Variants in UPK3A observed in about 807,000 individuals in gnomAD.
UPK3A encodes uroplakin 3A.
UPK3A carries 32 observed loss-of-function variants against 27.6 expected under a neutral mutation model. The observed-to-expected ratio is 1.16, with a 90% CI of 0.87 to 1.55. The LOEUF is 1.55. Among genes scored for constraint, UPK3A ranks in the 40% most tolerant of loss-of-function variants. UPK3A has a pLI of 0.00. For synonymous variants in UPK3A, 171 were observed against 163.9 expected, an observed-to-expected ratio of 1.04 and a Z score of -0.33; for missense variants, 370 against 367.9, an observed-to-expected ratio of 1.01 and a Z score of -0.05.
Position 45,293,453 on chromosome 22 carries a change from G to A in UPK3A, c.704+140G>A, listed in dbSNP as rs925263632. ...AGCTACCCTCTGCCCCGCGGGTGGGGTCTGGTGAAGAGGGAGCAGAGTCCT... is the reference window on the plus strand; with the variant it reads ...AGCTACCCTCTGCCCCGCGGGTGGGATCTGGTGAAGAGGGAGCAGAGTCCT... On this transcript the variant is annotated intron_variant, in intron 5 of 5. Coordinates refer to ENST00000216211, the MANE Select transcript of UPK3A (RefSeq NM_006953.4). 37 of 1,114,948 alleles carry A rather than the reference G, an allele frequency of 3.3e-5. No individual in the cohort carries two copies. The South Asian group carries it at 4.6e-4, about 14-fold the overall frequency. 69.1% of individuals were successfully genotyped at this position (1,114,948 alleles called of 1,614,324 possible).
intron 2 of UPK3A, among the ~76,000 whole-genome samples, chr22:45,286,324 T>C (rs923586079): frequency 6.6e-6 from 1 of 152,140 alleles, no homozygotes; most frequent in African/African-American, 2.4e-5. Context: ...TTGCACACCA[T>C]AGAGCTAGTA....
intron 4 of UPK3A, among the ~76,000 whole-genome samples, chr22:45,290,572 T>C (rs2084153569): frequency 6.6e-6 from 1 of 151,962 alleles, no homozygotes; most frequent in African/African-American, 2.4e-5. Flanking sequence ...TGAGAATGTG[T>C]GTGGTATGTG....
intron 2 of UPK3A, 137 bp downstream of exon 2, chr22:45,286,233 C>T (rs2084117295): frequency 1.0e-5 from 12 of 1,175,974 alleles, no homozygotes; most frequent in African/African-American, 1.5e-5. Flanking sequence ...ACAGACCTGT[C>T]CTTGCCTTGC....
intron 4 of UPK3A, among the ~76,000 whole-genome samples, chr22:45,290,523 T>A (rs1451759619): frequency 6.6e-6 from 1 of 152,114 alleles, no homozygotes; most frequent in Admixed American, 6.6e-5. Flanking sequence ...TATAATGTAG[T>A]TTACGGTGTT....
At chr22:45,289,439 C>T (rs1024042474) in intron 4 of UPK3A, among the ~76,000 whole-genome samples, 6 of 151,968 alleles carry the variant, frequency 3.9e-5, no homozygotes, top group Middle Eastern at 3.4e-3. Context: ...AGTAGCCAGG[C>T]GTGGTGGGGG....
At chr22:45,288,991 C>T (rs2084139584) in intron 3 of UPK3A, 70 bp from the exon 4 acceptor site, 3 of 1,498,224 alleles carry the variant, frequency 2.0e-6, no homozygotes, top group Non-Finnish European at 2.8e-6. Flanking sequence ...ATCCTACATC[C>T]CCCCACCGCC....
intron 1 of UPK3A, among the ~76,000 whole-genome samples, chr22:45,285,727 T>C (rs2084113004): frequency 6.6e-6 from 1 of 152,108 alleles, no homozygotes; most frequent in African/African-American, 2.4e-5. Flanking sequence ...ACTGAGTGTC[T>C]GCAGCAGGGA....
chr22:45,295,675 C>T lies in UPK3A; in HGVS notation c.820C>T (p.Pro274Ser), dbSNP rs2084190487. 4 of 1,613,892 alleles carry T rather than the reference C, an allele frequency of 2.5e-6. No individual in the cohort carries two copies. Among genetic ancestry groups the T allele is most frequent in the African/African-American group, 2.7e-5 (2 of 74,868 alleles). Residue 274 changes from proline (P) to serine (S), a missense_variant, in exon 6 of 6, where the codon CCA (proline) becomes TCA (serine). Physicochemically the swap from Pro to Ser is moderately conservative, Grantham distance 74 (BLOSUM62 -1). Transcript: ENST00000216211. Reference sequence around the variant, plus strand: ...CTACACGTCCGTGAACCGGGGGCCGCCACTGGACAGGGCTGAGGTGTATTC... The same window carrying T: ...CTACACGTCCGTGAACCGGGGGCCGTCACTGGACAGGGCTGAGGTGTATTC... The part of the protein sequence containing the change: ...SSYTSVNRGP[P>S]LDRAEVYSSK...
rs779796604 is a variant in UPK3A, at chr22:45,295,552, T to G, written c.705-8T>G. 1 of 1,614,074 alleles carries G rather than the reference T, an allele frequency of 6.2e-7. No individual in the cohort carries two copies. The highest frequency in any genetic ancestry group is 1.7e-5 in the Admixed American group (1 of 60,014). On this transcript the variant is annotated splice_region_variant and splice_polypyrimidine_tract_variant and intron_variant, in intron 5 of 5. Transcript: ENST00000216211. ...CCTAATCCTGGGTCTTTCCATCCCC[T>G]TGGACAGGGACATGGGGAGTTCTGA... is the stretch of plus-strand genomic sequence containing the variant.
intron 3 of UPK3A, among the ~76,000 whole-genome samples, 166 bp from the exon 4 acceptor site, chr22:45,288,895 T>C (rs1229639977): frequency 3.3e-5 from 5 of 152,052 alleles, no homozygotes. Context: ...AGCTCAGCAC[T>C]GTCCTGTTGC....
intron 4 of UPK3A, among the ~76,000 whole-genome samples, chr22:45,292,772 G>T (rs2084170133): frequency 6.6e-6 from 1 of 152,082 alleles, no homozygotes; most frequent in Admixed American, 6.5e-5. Flanking sequence ...GCTGGGCATG[G>T]TGGCGTGCAC....
intron 4 of UPK3A, among the ~76,000 whole-genome samples, chr22:45,291,241 G>A: frequency 6.6e-6 from 1 of 151,524 alleles, no homozygotes; most frequent in Non-Finnish European, 1.5e-5. Context: ...GAGTATGTGT[G>A]GTGTGTGAGT....
At position 45,295,746 on chromosome 22, in the gene UPK3A, A is replaced by C. The variant is rs370166724; in HGVS notation, c.*27A>C. 4 of 1,612,996 alleles carry C rather than the reference A, an allele frequency of 2.5e-6. No homozygotes were observed. Among genetic ancestry groups the C allele is most frequent in the East Asian group, 2.2e-5 (1 of 44,858 alleles). ...CCCAGCACCACCCCTGGGCAGCAGC[A>C]TCCTCCTCTCTGGCCTTGCCCCAGG... On this transcript the variant is annotated 3_prime_UTR_variant, in exon 6 of 6. Transcript: ENST00000216211.
chr22:45,295,721 C>T lies in UPK3A; in HGVS notation c.*2C>T. ...TATTCCAGCAAGCTCCAAGACTGAG[C>T]CCAGCACCACCCCTGGGCAGCAGCA... On this transcript the variant is annotated 3_prime_UTR_variant, in exon 6 of 6. Coordinates refer to ENST00000216211, the MANE Select transcript of UPK3A (RefSeq NM_006953.4). 6.2e-7 allele frequency: 1 copy of T among 1,613,630 alleles called. No homozygotes were observed. Among genetic ancestry groups the T allele is most frequent in the Non-Finnish European group, 8.5e-7 (1 of 1,179,964 alleles).
chr22:45,286,323 A>G (rs2084117729), intron 2 of UPK3A, among the ~76,000 whole-genome samples: 1 of 152,166 alleles, frequency 6.6e-6, no homozygotes, highest in South Asian at 2.1e-4. Context: ...TTTGCACACC[A>G]TAGAGCTAGT....
At chr22:45,286,242 G>T in intron 2 of UPK3A, 146 bp downstream of exon 2, 1 of 1,079,780 alleles carries the variant, frequency 9.3e-7, no homozygotes, top group Non-Finnish European at 1.4e-6. Flanking sequence ...TCCTTGCCTT[G>T]CAGGGACATC....
Position 45,295,847 on chromosome 22 carries a change from C to G in UPK3A, c.*128C>G, listed in dbSNP as rs924603167. 11 of 1,120,516 alleles carry G rather than the reference C, an allele frequency of 9.8e-6. No individual in the cohort carries two copies. In the African/African-American group the frequency reaches 1.7e-4, roughly 18 times the overall value. 69.4% of individuals were successfully genotyped at this position (1,120,516 alleles called of 1,614,324 possible). A position where few individuals can be genotyped will look rare whatever the true frequency, so the allele number is the denominator to read the frequency against. ...CTTGTCCCTCCAACTGCAGGAAAAC[C>G]CTTAATAAAATCTTCTGATGAGTTC... On this transcript the variant is annotated 3_prime_UTR_variant, in exon 6 of 6. Transcript: ENST00000216211.
At chr22:45,287,839 T>G (rs542249671) in intron 3 of UPK3A, among the ~76,000 whole-genome samples, 1 of 152,060 alleles carries the variant, frequency 6.6e-6, no homozygotes, top group South Asian at 2.1e-4. Context: ...ATTTTTTGTG[T>G]TTTTAGTACA....
chr22:45,286,032 G>A lies in UPK3A; in HGVS notation c.144G>A (p.Met48Ile), dbSNP rs1483038764. The change falls in exon 2 of 6, where the codon ATG becomes ATA. Residue 48 changes from methionine to isoleucine, a missense_variant. Transcript: ENST00000216211. Reference protein sequence around the residue: ...TTVALEKPLCMFDSKEALTGT... With the variant: ...TTVALEKPLCIFDSKEALTGT... ...TGGCCTTGGAAAAGCCTCTCTGCAT[G>A]TTTGACAGCAAAGAGGCCCTCACTG... is the stretch of plus-strand genomic sequence containing the variant. The A allele has an allele frequency of 1.2e-6, 2 of 1,614,204 alleles. No homozygotes were observed. The highest frequency in any genetic ancestry group is 2.7e-5 in the African/African-American group (2 of 75,044).
Sources: gnomAD v4.1 joint callset for allele counts (sites outside exome capture counted in the v4.1 genomes callset) on GRCh38, gnomAD v4.1.1 for gene constraint, MANE v1.5 for transcripts, NCBI Gene and HGNC (gene_info 2026-07-23, HGNC 2026-07-21) for gene names.